Variants in ADAM2 observed in about 807,000 individuals in gnomAD.
ADAM2 encodes disintegrin and metalloproteinase domain-containing protein 2.
Under a neutral mutation model 99.3 loss-of-function variants are expected in ADAM2, and 101 were observed. The observed-to-expected ratio is 1.02, with a 90% CI of 0.87 to 1.20. ADAM2 has a LOEUF of 1.20. Ranked by LOEUF, ADAM2 falls within the 50% of genes most tolerant of loss-of-function variation. The probability of loss-of-function intolerance (pLI) is 0.00; values close to 1 mark genes in which losing one functional copy is unlikely to be tolerated. For synonymous variants in ADAM2, 323 were observed against 287.6 expected, an observed-to-expected ratio of 1.12 and a Z score of -1.25; for missense variants, 948 against 878.7, an observed-to-expected ratio of 1.08 and a Z score of -1.00.
chr8:39,823,086 C>T (rs961654117), intron 4 of ADAM2, among the ~76,000 whole-genome samples: 3 of 151,838 alleles, frequency 2.0e-5, no homozygotes, highest in Non-Finnish European at 4.4e-5. Context: ...TTTTTATGTG[C>T]ACATACATTT....
intron 10 of ADAM2, 77 bp from the exon 11 acceptor site, chr8:39,777,238 C>A: frequency 8.1e-7 from 1 of 1,229,936 alleles, no homozygotes; most frequent in East Asian, 2.4e-5. Context: ...TATTAAAGAT[C>A]ACATGATAAA....
intron 17 of ADAM2, 88 bp downstream of exon 17, chr8:39,749,579 G>GCA (rs1274247396): frequency 1.7e-5 from 22 of 1,284,056 alleles, no homozygotes; most frequent in African/African-American, 5.6e-5. Context: ...GTGTGTGTGT[G>GCA]TGTGTGCGTG....
intron 4 of ADAM2, among the ~76,000 whole-genome samples, chr8:39,823,215 T>C (rs910325897): frequency 2.0e-5 from 3 of 152,252 alleles, no homozygotes; most frequent in African/African-American, 7.2e-5. Context: ...CTACTCTGGA[T>C]GCAGGGAACA....
At chr8:39,826,417 C>T (rs1015492687) in intron 3 of ADAM2, among the ~76,000 whole-genome samples, 1 of 152,092 alleles carries the variant, frequency 6.6e-6, no homozygotes, top group Non-Finnish European at 1.5e-5. Context: ...CATCGTTTCA[C>T]ACACCATATT....
chr8:39,780,307 A>G (rs1803164583), intron 10 of ADAM2, among the ~76,000 whole-genome samples: 1 of 152,168 alleles, frequency 6.6e-6, no homozygotes, highest in Non-Finnish European at 1.5e-5. Context: ...GGGAGCTACA[A>G]TTCAAGATGA....
rs569677269 is a variant in ADAM2, at chr8:39,838,179, G to T, written c.7C>A (p.Arg3Ser). 3 of 1,614,114 alleles carry T rather than the reference G, an allele frequency of 1.9e-6. No homozygotes were observed. The East Asian group carries it at 6.7e-5, about 36-fold the overall frequency. ...AGCCCGCTGAGCAGAAACAAGACGCGCCACATGGCTTGAAGTCCTGGGTCC... is the reference window on the plus strand; with the variant it reads ...AGCCCGCTGAGCAGAAACAAGACGCTCCACATGGCTTGAAGTCCTGGGTCC... MW[R>S]VLFLLSGLGG... Residue 3 changes from arginine (R) to serine (S), a missense_variant, in exon 1 of 21, where the codon CGC (arginine) becomes AGC (serine). Arg to Ser is a moderately radical substitution (Grantham distance 110, BLOSUM62 -1). Coordinates refer to ENST00000265708, the MANE Select transcript of ADAM2 (RefSeq NM_001464.5).
rs539484009 is a variant in ADAM2, at chr8:39,746,120, G to A, written c.2174+352C>T. Among the ~76,000 whole-genome samples the A allele has an allele frequency of 9.2e-5, 14 of 152,198 alleles. No individual in the cohort carries two copies. The South Asian group carries it at 2.9e-3, about 32-fold the overall frequency. ...GGCTCACTGCAGCCTCTGCCTCCCAGGCTCAAGTGATCCTCCCACCTCAGC... is the reference window on the plus strand; with the variant it reads ...GGCTCACTGCAGCCTCTGCCTCCCAAGCTCAAGTGATCCTCCCACCTCAGC... On this transcript the variant is annotated intron_variant, in intron 19 of 20. Coordinates refer to ENST00000265708, the MANE Select transcript of ADAM2 (RefSeq NM_001464.5).
chr8:39,788,995 A>G (rs1232372419), intron 7 of ADAM2, among the ~76,000 whole-genome samples: 2 of 151,444 alleles, frequency 1.3e-5, no homozygotes, highest in Non-Finnish European at 3.0e-5. Context: ...GTATAATTCT[A>G]CTATCAACAA....
chr8:39,824,000 G>A (rs999514122), intron 4 of ADAM2, among the ~76,000 whole-genome samples: 1 of 152,012 alleles, frequency 6.6e-6, no homozygotes, highest in African/African-American at 2.4e-5. Flanking sequence ...CAAAAGAACA[G>A]AGGCCAGGAG....
chr8:39,795,861 AT>A (rs1197108947), intron 7 of ADAM2, among the ~76,000 whole-genome samples: 1 of 152,184 alleles, frequency 6.6e-6, no homozygotes, highest in African/African-American at 2.4e-5. Flanking sequence ...GTAAATAGAC[AT>A]GAAAAATTGT....
chr8:39,811,795 T>C (rs1374597901), intron 6 of ADAM2, among the ~76,000 whole-genome samples: 5 of 152,286 alleles, frequency 3.3e-5, no homozygotes, highest in African/African-American at 1.2e-4. Context: ...ATAAGAGCTA[T>C]TTATGACAAA....
At chr8:39,836,341 T>A (rs887154005) in intron 2 of ADAM2, among the ~76,000 whole-genome samples, 15 of 152,186 alleles carry the variant, frequency 9.9e-5, no homozygotes, top group Non-Finnish European at 5.9e-5. Flanking sequence ...ATTAAAAATG[T>A]TTCATAAAAT....
chr8:39,752,765 G>A (rs569634784), intron 16 of ADAM2, among the ~76,000 whole-genome samples: 10 of 152,100 alleles, frequency 6.6e-5, no homozygotes, highest in Admixed American at 3.9e-4. Context: ...TAGTGAGTAA[G>A]TCTCATGAGA....
At chr8:39,814,772 A>C (rs1020856819) in intron 6 of ADAM2, among the ~76,000 whole-genome samples, 25 of 151,872 alleles carry the variant, frequency 1.6e-4, no homozygotes, top group Non-Finnish European at 1.5e-5. Flanking sequence ...ACTCAGGAGA[A>C]AATTTGGACT....
At chr8:39,762,084 A>C (rs1202500060) in intron 14 of ADAM2, among the ~76,000 whole-genome samples, 1 of 152,240 alleles carries the variant, frequency 6.6e-6, no homozygotes, top group Non-Finnish European at 1.5e-5. Context: ...ACTGCGTCTC[A>C]AAGGAAAAAG....
chr8:39,823,000 C>T (rs1335419594), intron 4 of ADAM2, among the ~76,000 whole-genome samples: 1 of 152,150 alleles, frequency 6.6e-6, no homozygotes, highest in African/African-American at 2.4e-5. Context: ...ATCTCTTGAC[C>T]TCATGATCTG....
At chr8:39,788,533 A>G (rs1586102191) in intron 8 of ADAM2, 136 bp downstream of exon 8, 1 of 607,802 alleles carries the variant, frequency 1.6e-6, no homozygotes, top group Non-Finnish European at 2.6e-6. Flanking sequence ...TTCCCACTTC[A>G]GATAAGTAAA....
At chr8:39,794,887 C>T (rs1287322574) in intron 7 of ADAM2, among the ~76,000 whole-genome samples, 1 of 152,050 alleles carries the variant, frequency 6.6e-6, no homozygotes, top group African/African-American at 2.4e-5. Flanking sequence ...TGCGGCTTGT[C>T]CTGCTACCAA....
intron 10 of ADAM2, among the ~76,000 whole-genome samples, chr8:39,777,597 T>G (rs956663311): frequency 6.6e-6 from 1 of 152,078 alleles, no homozygotes; most frequent in Non-Finnish European, 1.5e-5. Context: ...CACAATTAAA[T>G]AGAATAAGGT....
Sources: allele counts gnomAD v4.1 joint callset (sites outside exome capture counted in the v4.1 genomes callset), GRCh38; gene constraint gnomAD v4.1.1; transcripts MANE v1.5; gene names NCBI Gene and HGNC (gene_info 2026-07-23, HGNC 2026-07-21).